The following IGSF10 variants were observed in gnomAD, a reference collection of about 807,000 sequenced individuals.
The protein encoded by IGSF10 is immunoglobulin superfamily member 10.
In IGSF10, 126 loss-of-function variants were observed where a neutral mutation model predicts 128.2. The observed-to-expected ratio is 0.98, with a 90% confidence interval of 0.85 to 1.14. The LOEUF is 1.14. Among genes scored for constraint, IGSF10 ranks in the 50% most tolerant of loss-of-function variants. The pLI is 0.00. For synonymous variants in IGSF10, 1,185 were observed against 1,146.2 expected (o/e 1.03, Z -0.68); for missense variants, 3,295 against 3,149.8 (o/e 1.05, Z -1.10).
chr3:151,443,908 T>C, intron 6 of IGSF10, 24 bp from the exon 7 acceptor site: 1 of 1,524,368 alleles, frequency 6.6e-7, no homozygotes, highest in South Asian at 1.2e-5. Flanking sequence ...AAGAAAATTA[T>C]TGCTACGGGT....
chr3:151,482,484 G>C, the IGSF10 span, among the ~76,000 whole-genome samples: 1 of 152,282 alleles, frequency 6.6e-6, no homozygotes, highest in Non-Finnish European at 1.5e-5. Flanking sequence ...CTATGAACTT[G>C]AAGACTGGTT....
At chr3:151,489,955 GA>G in the IGSF10 span, among the ~76,000 whole-genome samples, 1 of 151,992 alleles carries the variant, frequency 6.6e-6, no homozygotes, top group South Asian at 2.1e-4. Context: ...ATGTACCCCA[GA>G]ACTTAAAGTA....
chr3:151,443,054 C>G lies in IGSF10; in HGVS notation c.5893G>C (p.Ala1965Pro). The change falls in exon 7 of 8, where the codon GCC (alanine) becomes CCC (proline). Residue 1965 changes from alanine (A) to proline (P), a missense_variant. Coordinates refer to ENST00000282466, the MANE Select transcript of IGSF10 (RefSeq NM_178822.5). ...FGDKLLLNCS[A>P]TGEPKPQIMW... is the part of the protein sequence containing the mutation. ...ATTTGGGGTTTGGGCTCCCCAGTGG[C>G]TGAGCAGTTCAGTAGTAATTTGTCC... 1 of 1,614,234 alleles carries G rather than the reference C, an allele frequency of 6.2e-7. No individual in the cohort carries two copies. The highest frequency in any genetic ancestry group is 1.3e-5 in the African/African-American group (1 of 75,056).
At chr3:151,433,751 GA>G (rs1285134038), downstream of IGSF10, 1 of 152,630 alleles carries the variant, frequency 6.6e-6, no homozygotes, top group Non-Finnish European at 1.5e-5. Flanking sequence ...CCAAAGTCCA[GA>G]AGGCTCTGGT....
At chr3:151,494,636 C>A in the IGSF10 span, among the ~76,000 whole-genome samples, 1 of 152,010 alleles carries the variant, frequency 6.6e-6, no homozygotes, top group Non-Finnish European at 1.5e-5. Context: ...AATAACTGGA[C>A]CTGATTGTAC....
chr3:151,518,875 A>C, the IGSF10 span, among the ~76,000 whole-genome samples: 1 of 151,874 alleles, frequency 6.6e-6, no homozygotes, highest in Non-Finnish European at 1.5e-5. Flanking sequence ...TCTAAATTTG[A>C]TAGATTTAGT....
Position 151,449,156 on chromosome 3 carries a change from T to C in IGSF10, c.825A>G (p.Ala275=), listed in dbSNP as rs760613634. 2.5e-6 allele frequency: 4 copies of C among 1,614,214 alleles called. No individual in the cohort carries two copies. Among genetic ancestry groups the C allele is most frequent in the Non-Finnish European group, 1.7e-6 (2 of 1,180,038 alleles). Residue 275 remains alanine (A), a synonymous_variant, in exon 6 of 8, where the codon GCA becomes GCG. Coordinates refer to ENST00000282466, the MANE Select transcript of IGSF10 (RefSeq NM_178822.5). ...TGGTTGGCTTGGCACACTGGAAAGC[T>C]GCAGCTGAGACCATAGCTAACGGCT... ...KGKPLAMVSA[A]AFQCAKPTID...
chr3:151,516,715 G>T, the IGSF10 span, among the ~76,000 whole-genome samples: 399 of 152,014 alleles, frequency 2.6e-3, 4 homozygotes, highest in African/African-American at 9.4e-3. Context: ...GGGTTCAAGA[G>T]AACATTGCCT....
chr3:151,438,695 C>T (rs1720626502), intron 7 of IGSF10, 98 bp from the exon 8 acceptor site: 7 of 806,626 alleles, frequency 8.7e-6, no homozygotes, highest in Middle Eastern at 2.5e-4. Context: ...TTTATTGAAG[C>T]ATGACCAATG....
chr3:151,483,185 T>C, the IGSF10 span, among the ~76,000 whole-genome samples: 1 of 152,166 alleles, frequency 6.6e-6, no homozygotes, highest in Non-Finnish European at 1.5e-5. Flanking sequence ...GTAAACCACA[T>C]ATATCTTCAA....
chr3:151,467,642 T>C, the IGSF10 span, among the ~76,000 whole-genome samples: 5 of 152,110 alleles, frequency 3.3e-5, no homozygotes, highest in African/African-American at 1.2e-4. Context: ...CCCAGCACTT[T>C]GGGAGGCCGA....
the IGSF10 span, among the ~76,000 whole-genome samples, chr3:151,613,556 C>A: frequency 1.3e-5 from 2 of 151,920 alleles, no homozygotes; most frequent in Non-Finnish European, 2.9e-5. Context: ...ACAAACCTGA[C>A]AAAAACAAGC....
At chr3:151,549,909 G>A in the IGSF10 span, among the ~76,000 whole-genome samples, 1 of 151,912 alleles carries the variant, frequency 6.6e-6, no homozygotes, top group Admixed American at 6.6e-5. Flanking sequence ...ATTCATTTCT[G>A]AGTGGCATAT....
the IGSF10 span, among the ~76,000 whole-genome samples, chr3:151,608,937 T>C: frequency 3.3e-5 from 5 of 152,240 alleles, no homozygotes; most frequent in Non-Finnish European, 5.9e-5. Context: ...GGTTTTGTTT[T>C]GTTCTGATTT....
In IGSF10 at chr3:151,436,667, T is replaced by G; in HGVS notation, c.*22A>C. On this transcript the variant is annotated 3_prime_UTR_variant, in exon 8 of 8. Transcript: ENST00000282466. ...CCAAAAAATAAATTCTGCCCAGATG[T>G]TGTTGACTTTATTATTTCATGTCAG... 6.6e-7 allele frequency: 1 copy of G among 1,512,014 alleles called. No individual in the cohort carries two copies. The highest frequency in any genetic ancestry group is 9.0e-7 in the Non-Finnish European group (1 of 1,113,470). 93.7% of individuals were successfully genotyped at this position (1,512,014 alleles called of 1,614,324 possible). A position where few individuals can be genotyped will look rare whatever the true frequency, so the allele number is the denominator to read the frequency against.
At chr3:151,555,175 G>C in the IGSF10 span, among the ~76,000 whole-genome samples, 1 of 152,094 alleles carries the variant, frequency 6.6e-6, no homozygotes, top group South Asian at 2.1e-4. Context: ...GTGTAAAACT[G>C]TCACCTGTGG....
chr3:151,515,984 C>T, the IGSF10 span, among the ~76,000 whole-genome samples: 1 of 151,994 alleles, frequency 6.6e-6, no homozygotes, highest in Non-Finnish European at 1.5e-5. Flanking sequence ...ACATATTATG[C>T]TCATTATGCC....
At chr3:151,570,245 T>C in the IGSF10 span, among the ~76,000 whole-genome samples, 1 of 152,218 alleles carries the variant, frequency 6.6e-6, no homozygotes, top group Non-Finnish European at 1.5e-5. Context: ...TTTGGGTATA[T>C]ACCCAGTAAT....
chr3:151,557,452 T>A, the IGSF10 span, among the ~76,000 whole-genome samples: 1 of 152,106 alleles, frequency 6.6e-6, no homozygotes, highest in African/African-American at 2.4e-5. Context: ...TTGACTATCT[T>A]CTGAAAGATC....
Sources: allele counts gnomAD v4.1 joint callset (sites outside exome capture counted in the v4.1 genomes callset), GRCh38; gene constraint gnomAD v4.1.1; transcripts MANE v1.5; gene names NCBI Gene and HGNC (gene_info 2026-07-23, HGNC 2026-07-21).